The following GRIN2A variants were observed in gnomAD, a reference collection of about 807,000 sequenced individuals.
GRIN2A encodes glutamate receptor ionotropic, NMDA 2A.
A neutral mutation model predicts 113.4 loss-of-function variants in GRIN2A; 22 were observed. That is an observed-to-expected ratio of 0.19 (90% confidence interval 0.14 to 0.28). The LOEUF (loss-of-function observed/expected upper bound fraction) is 0.28. GRIN2A is among the 10% of genes least tolerant of loss of function. The probability of loss-of-function intolerance (pLI) is 1.00; values close to 1 mark genes in which losing one functional copy is unlikely to be tolerated. For synonymous variants in GRIN2A, 827 were observed against 738.4 expected (o/e 1.12, Z -1.94); for missense variants, 1,502 against 1,887.0 (o/e 0.80, Z 3.78).
intron 2 of GRIN2A, among the ~76,000 whole-genome samples, chr16:9,982,564 G>A (rs2045911231): frequency 6.6e-6 from 1 of 152,186 alleles, no homozygotes; most frequent in Non-Finnish European, 1.5e-5. Context: ...TATGTTTTCA[G>A]AACAATGAAT....
At chr16:9,833,702 T>A (rs1224859105) in intron 8 of GRIN2A, among the ~76,000 whole-genome samples, 1 of 152,226 alleles carries the variant, frequency 6.6e-6, no homozygotes, top group African/African-American at 2.4e-5. Flanking sequence ...CATACAATGG[T>A]ACACCAACGC....
chr16:10,008,756 A>G (rs1228917662), intron 2 of GRIN2A, among the ~76,000 whole-genome samples: 2 of 152,204 alleles, frequency 1.3e-5, no homozygotes, highest in Admixed American at 6.5e-5. Context: ...ATTAGGGTAC[A>G]TTTTCACCAT....
chr16:9,763,666 T>C lies in GRIN2A; in HGVS notation c.3878A>G (p.Asp1293Gly), dbSNP rs2141128830. ...KLRISRQHSY[D>G]NIVDKPRELD... is the part of the protein sequence containing the mutation. The stretch of plus-strand genomic sequence containing the variant: ...CTCCCTAGGTTTGTCGACAATGTTA[T>C]CGTAGGAATGCTGACGGCTAATCCT... Residue 1293 changes from aspartate to glycine, a missense_variant, in exon 13 of 13, where the codon GAT (aspartate) becomes GGT (glycine). Physicochemically the swap from Asp to Gly is moderately conservative, Grantham distance 94. Transcript: ENST00000330684. 2 of 1,613,696 alleles carry C rather than the reference T, an allele frequency of 1.2e-6. No individual in the cohort carries two copies. The highest frequency in any genetic ancestry group is 1.1e-5 in the South Asian group (1 of 91,076).
Position 10,180,135 on chromosome 16 carries a change from C to T in GRIN2A, c.277G>A (p.Ala93Thr), listed in dbSNP as rs756766370. 3 of 1,614,222 alleles carry T rather than the reference C, an allele frequency of 1.9e-6. No homozygotes were observed. Among genetic ancestry groups the T allele is most frequent in the Non-Finnish European group, 2.5e-6 (3 of 1,180,052 alleles). ...ITHVCDLMSGARIHGLVFGDD... is the reference protein window; with the variant it reads ...ITHVCDLMSGTRIHGLVFGDD... ...CCAAACACGAGGCCGTGGATGCGTG[C>T]CCCGGACATGAGGTCGCACACGTGC... Residue 93 changes from alanine (A) to threonine (T), a missense_variant, in exon 2 of 13, where the codon GCA (alanine) becomes ACA (threonine). Ala to Thr is a moderately conservative substitution (Grantham distance 58). Transcript: ENST00000330684. The surrounding 1 kb of genome is among the most constrained non-coding windows in gnomAD (Gnocchi z 7.0).
At position 9,975,999 on chromosome 16, in the gene GRIN2A, A is replaced by C. The variant is rs79011816; in HGVS notation, c.415-37448T>G. ...GTATGAACTTAATAACAGAACCCCC[A>C]AAAATACAGAATGGAACTAAAAGGA... On this transcript the variant is annotated intron_variant, in intron 2 of 12. Transcript: ENST00000330684. 7.1e-3 allele frequency among the ~76,000 whole-genome samples: 1,076 copies of C among 152,326 alleles called. 17 individuals carry two copies. The highest frequency in any genetic ancestry group is 0.022 in the African/African-American group (922 of 41,574).
chr16:9,796,381 C>T (rs1377313511), intron 11 of GRIN2A, among the ~76,000 whole-genome samples: 1 of 152,118 alleles, frequency 6.6e-6, no homozygotes, highest in Non-Finnish European at 1.5e-5. Flanking sequence ...TAGTTCATCC[C>T]CTGTAAGGGT....
At chr16:9,875,795 T>TAA (rs1230413995) in intron 4 of GRIN2A, among the ~76,000 whole-genome samples, 11 of 152,226 alleles carry the variant, frequency 7.2e-5, no homozygotes, top group Non-Finnish European at 1.6e-4. Flanking sequence ...CTTTATCCTT[T>TAA]AGGACTTGGT....
At chr16:10,136,735 C>T (rs2049198550) in intron 2 of GRIN2A, among the ~76,000 whole-genome samples, 1 of 152,150 alleles carries the variant, frequency 6.6e-6, no homozygotes, top group African/African-American at 2.4e-5. Flanking sequence ...ATGTTTATAG[C>T]AGCTACCATT....
intron 2 of GRIN2A, among the ~76,000 whole-genome samples, chr16:10,154,857 A>G (rs910128890): frequency 3.3e-5 from 5 of 152,334 alleles, no homozygotes; most frequent in Admixed American, 1.3e-4. Context: ...GGTTTTTGTT[A>G]TATTTTAGCA....
chr16:9,967,190 A>G (rs1596370946), intron 2 of GRIN2A, among the ~76,000 whole-genome samples: 1 of 152,216 alleles, frequency 6.6e-6, no homozygotes, highest in African/African-American at 2.4e-5. Context: ...TATGGAACAA[A>G]CCTAAGTGCC....
intron 3 of GRIN2A, among the ~76,000 whole-genome samples, chr16:9,929,793 T>A (rs1429722653): frequency 2.6e-5 from 4 of 152,234 alleles, no homozygotes; most frequent in Non-Finnish European, 5.9e-5. Context: ...ATGTGCCTTT[T>A]TGTTCGGCAT....
intron 2 of GRIN2A, among the ~76,000 whole-genome samples, chr16:10,097,738 A>G (rs2048320699): frequency 6.6e-6 from 1 of 152,154 alleles, no homozygotes; most frequent in Admixed American, 6.5e-5. Context: ...CCTTCATCTA[A>G]CATGTAGGAG....
chr16:10,140,784 T>C lies in GRIN2A; in HGVS notation c.414+39214A>G, dbSNP rs533042704. On this transcript the variant is annotated intron_variant, in intron 2 of 12. Coordinates refer to ENST00000330684, the MANE Select transcript of GRIN2A (RefSeq NM_001134407.3). ...GACTTCTGATGAAGCGACCAGGAAG[T>C]GGACTCTGCACTCTGTTTCCCCTAA... Among the ~76,000 whole-genome samples, 5 of 152,310 alleles carry C rather than the reference T, an allele frequency of 3.3e-5. No homozygotes were observed. In the South Asian group the frequency reaches 1.0e-3, roughly 32 times the overall value.
At chr16:10,021,121 A>C (rs547983406) in intron 2 of GRIN2A, among the ~76,000 whole-genome samples, 9 of 151,546 alleles carry the variant, frequency 5.9e-5, no homozygotes, top group African/African-American at 2.2e-4. Context: ...GCAAGCCCAC[A>C]GCCTTTGGAG....
At chr16:10,073,654 A>C (rs1278669213) in intron 2 of GRIN2A, among the ~76,000 whole-genome samples, 1 of 152,188 alleles carries the variant, frequency 6.6e-6, no homozygotes, top group Non-Finnish European at 1.5e-5. Flanking sequence ...CCCTTTGTCA[A>C]AATTAAAAAC....
rs59963663 is a variant in GRIN2A, at chr16:10,168,975, C to CAATAAT, written c.414+11017_414+11022dup. Among the ~76,000 whole-genome samples the CAATAAT allele has an allele frequency of 2.0e-3, 289 of 141,540 alleles. 2 individuals are homozygous for CAATAAT. The highest frequency in any genetic ancestry group is 6.4e-3 in the East Asian group (31 of 4,848). 92.9% of individuals were successfully genotyped at this position (141,540 alleles called of 152,430 possible). Reference sequence around the variant, plus strand: ...AGCAAAACTCTGTCTCAAATAATAACAATAATAATAATAATAATAATAATA... The same window carrying CAATAAT: ...AGCAAAACTCTGTCTCAAATAATAACAATAATAATAATAATAATAATAATAATAATA... On this transcript the variant is annotated intron_variant, in intron 2 of 12. Coordinates refer to ENST00000330684, the MANE Select transcript of GRIN2A (RefSeq NM_001134407.3).
chr16:10,091,305 G>A (rs543702099), intron 2 of GRIN2A, among the ~76,000 whole-genome samples: 7 of 152,208 alleles, frequency 4.6e-5, no homozygotes, highest in African/African-American at 1.7e-4. Context: ...ATACCCATGA[G>A]CTGGTAAATA....
At chr16:10,075,595 G>T (rs1048926870) in intron 2 of GRIN2A, among the ~76,000 whole-genome samples, 2 of 152,088 alleles carry the variant, frequency 1.3e-5, no homozygotes, top group African/African-American at 4.8e-5. Context: ...TAAATTTTAG[G>T]TTATATATAT....
chr16:9,944,236 G>A (rs1029967394), intron 2 of GRIN2A, among the ~76,000 whole-genome samples: 1 of 152,220 alleles, frequency 6.6e-6, no homozygotes, highest in South Asian at 2.1e-4. Flanking sequence ...TGTGCTTTCT[G>A]TTACTCTCAT....
Sources: gnomAD v4.1 joint callset for allele counts (sites outside exome capture counted in the v4.1 genomes callset) on GRCh38, gnomAD v4.1.1 for gene constraint, Gnocchi (gnomAD v3.1) non-coding constraint, MANE v1.5 for transcripts, NCBI Gene and HGNC (gene_info 2026-07-23, HGNC 2026-07-21) for gene names.